SDK1: variants seen among roughly 807,000 people sequenced by gnomAD.
SDK1 encodes the protein sidekick cell adhesion molecule 1, also known as protein sidekick-1.
A neutral mutation model predicts 245.5 loss-of-function variants in SDK1; 157 were observed. The observed-to-expected ratio is 0.64, with a 90% CI of 0.56 to 0.73. The LOEUF is 0.73. Among genes scored for constraint, SDK1 ranks in the 30% least tolerant of loss-of-function variants. The pLI is 0.00. For synonymous variants in SDK1, 1,647 were observed against 1,278.5 expected (o/e 1.29, Z -6.15); for missense variants, 3,583 against 3,002.3 (o/e 1.19, Z -4.52).
intron 32 of SDK1, among the ~76,000 whole-genome samples, chr7:4,165,353 T>C (rs642508): frequency 0.27 from 40,337 of 151,246 alleles, 6,718 homozygotes; most frequent in African/African-American, 0.47. Flanking sequence ...CAGCAAAACC[T>C]TGTCTCAAAA....
intron 28 of SDK1, among the ~76,000 whole-genome samples, chr7:4,140,113 C>T (rs1779475268): frequency 6.6e-6 from 1 of 152,244 alleles, no homozygotes; most frequent in South Asian, 2.1e-4. Context: ...TTCCCTTCCT[C>T]GTGCTCTGGC....
chr7:3,408,191 C>A (rs1779102592), intron 1 of SDK1, among the ~76,000 whole-genome samples: 1 of 151,962 alleles, frequency 6.6e-6, no homozygotes. Context: ...ATATGTGCCA[C>A]CATGCCTGGC....
At chr7:3,975,912 G>C (rs541131317) in intron 13 of SDK1, among the ~76,000 whole-genome samples, 117 of 147,986 alleles carry the variant, frequency 7.9e-4, no homozygotes, top group African/African-American at 2.7e-3. Context: ...CCACGTAGAG[G>C]GTCCTCCAGA....
intron 19 of SDK1, among the ~76,000 whole-genome samples, chr7:4,062,014 G>C (rs4634532): frequency 6.7e-6 from 1 of 149,394 alleles, no homozygotes; most frequent in Non-Finnish European, 1.5e-5. Flanking sequence ...GATAGCACTA[G>C]GAGATATACC....
At chr7:3,880,610 C>G (rs531409930) in intron 5 of SDK1, among the ~76,000 whole-genome samples, 1 of 133,840 alleles carries the variant, frequency 7.5e-6, no homozygotes, top group Admixed American at 8.2e-5. Flanking sequence ...CCTTTCAGCT[C>G]AAACGCACCT....
At chr7:3,463,969 C>G (rs1450172871) in intron 1 of SDK1, among the ~76,000 whole-genome samples, 1 of 152,136 alleles carries the variant, frequency 6.6e-6, no homozygotes, top group Admixed American at 6.6e-5. Flanking sequence ...GCTTCATTAC[C>G]CAGAGGACCA....
chr7:4,235,174 A>AT (rs1276627509), intron 41 of SDK1, among the ~76,000 whole-genome samples: 12 of 151,586 alleles, frequency 7.9e-5, no homozygotes, highest in South Asian at 2.1e-4. Flanking sequence ...ACCTGATTTT[A>AT]TTTTTTTTGA....
At chr7:3,971,915 T>C (rs1335350390) in intron 12 of SDK1, among the ~76,000 whole-genome samples, 1 of 152,102 alleles carries the variant, frequency 6.6e-6, no homozygotes, top group Non-Finnish European at 1.5e-5. Flanking sequence ...CAGCATTGTT[T>C]ACACGGGGGC....
chr7:3,667,371 G>A (rs1418361599), intron 4 of SDK1, among the ~76,000 whole-genome samples: 1 of 152,136 alleles, frequency 6.6e-6, no homozygotes, highest in East Asian at 1.9e-4. Flanking sequence ...ATAAGTCAAT[G>A]AGTTTATCAT....
chr7:3,366,010 G>C (rs1225024911), intron 1 of SDK1, among the ~76,000 whole-genome samples: 3 of 150,276 alleles, frequency 2.0e-5, no homozygotes, highest in African/African-American at 4.9e-5. Context: ...TTGCACTCCA[G>C]CTTGGGCGAC....
chr7:3,703,051 A>G (rs1412352805), intron 4 of SDK1, among the ~76,000 whole-genome samples: 1 of 132,858 alleles, frequency 7.5e-6, no homozygotes, highest in African/African-American at 3.1e-5. Context: ...TAAATGCGAG[A>G]CTCTGTCTCA....
At chr7:3,413,014 A>G (rs573539902) in intron 1 of SDK1, among the ~76,000 whole-genome samples, 1 of 152,328 alleles carries the variant, frequency 6.6e-6, no homozygotes, top group Non-Finnish European at 1.5e-5. Context: ...CCAGAGAGTG[A>G]TAAATACTGT....
At chr7:3,375,404 T>C (rs1198392370) in intron 1 of SDK1, among the ~76,000 whole-genome samples, 2 of 152,094 alleles carry the variant, frequency 1.3e-5, no homozygotes, top group East Asian at 1.9e-4. Flanking sequence ...TAGTGTAAAA[T>C]AGATGGTTGG....
At chr7:4,035,487 T>G (rs1788141951) in intron 17 of SDK1, among the ~76,000 whole-genome samples, 2 of 152,196 alleles carry the variant, frequency 1.3e-5, no homozygotes, top group African/African-American at 2.4e-5. Context: ...TTCAACTGTT[T>G]TCAGCCATTG....
chr7:4,227,485 G>C (rs951566376), intron 40 of SDK1: 2 of 467,560 alleles, frequency 4.3e-6, no homozygotes, highest in Admixed American at 2.4e-5. Context: ...ACCAGCTTCA[G>C]TAAAATTTCT....
chr7:3,375,244 C>G (rs1483431496), intron 1 of SDK1, among the ~76,000 whole-genome samples: 1 of 151,832 alleles, frequency 6.6e-6, no homozygotes, highest in Non-Finnish European at 1.5e-5. Context: ...TGGAGACTTG[C>G]CTTTACATGT....
At chr7:3,470,118 G>A (rs1055804885) in intron 1 of SDK1, among the ~76,000 whole-genome samples, 1 of 152,090 alleles carries the variant, frequency 6.6e-6, no homozygotes, top group Non-Finnish European at 1.5e-5. Context: ...CCTTTTTGGG[G>A]CTTAGCATCA....
chr7:4,176,436 T>C (rs1782217029), intron 34 of SDK1, among the ~76,000 whole-genome samples: 1 of 152,228 alleles, frequency 6.6e-6, no homozygotes, highest in African/African-American at 2.4e-5. Flanking sequence ...CCCAAGATGC[T>C]AGGGCTATAG....
At chr7:4,181,231 T>C (rs115021598) in intron 35 of SDK1, among the ~76,000 whole-genome samples, 300 of 152,332 alleles carry the variant, frequency 2.0e-3, no homozygotes, top group African/African-American at 6.9e-3. Context: ...GCCCTCGGCG[T>C]GAGGTTTTTG....
Sources: allele counts gnomAD v4.1 joint callset (sites outside exome capture counted in the v4.1 genomes callset), GRCh38; gene constraint gnomAD v4.1.1; transcripts MANE v1.5; gene names NCBI Gene and HGNC (gene_info 2026-07-23, HGNC 2026-07-21).